MED27: variants seen among roughly 807,000 people sequenced by gnomAD.
MED27 encodes mediator of RNA polymerase II transcription subunit 27.
A neutral mutation model predicts 38.2 loss-of-function variants in MED27; 30 were observed. The observed-to-expected ratio is 0.79, with a 90% CI of 0.59 to 1.07. The LOEUF (loss-of-function observed/expected upper bound fraction) is 1.07. MED27 is among the 50% of genes least tolerant of loss of function. The pLI is 0.00. For missense variants in MED27, 289 were observed against 397.5 expected (o/e 0.73, Z 2.32); for synonymous variants, 122 against 153.5 (o/e 0.79, Z 1.52).
At chr9:132,031,167 C>G (rs1832951367) in intron 2 of MED27, among the ~76,000 whole-genome samples, 1 of 152,182 alleles carries the variant, frequency 6.6e-6, no homozygotes, top group Non-Finnish European at 1.5e-5. Flanking sequence ...CCATCAGAAG[C>G]CAGGTGGTGT....
chr9:132,001,406 AC>A (rs1832231471), intron 3 of MED27, among the ~76,000 whole-genome samples: 1 of 152,234 alleles, frequency 6.6e-6, no homozygotes, highest in Non-Finnish European at 1.5e-5. Flanking sequence ...AAAGGAAAAA[AC>A]AATACACATC....
At chr9:131,942,908 T>G (rs535239682) in intron 3 of MED27, among the ~76,000 whole-genome samples, 9 of 152,230 alleles carry the variant, frequency 5.9e-5, no homozygotes, top group African/African-American at 2.2e-4. Flanking sequence ...TTGATGAGAT[T>G]TTTACCTGTA....
chr9:131,871,196 A>C (rs1838827560), intron 6 of MED27, among the ~76,000 whole-genome samples: 1 of 152,100 alleles, frequency 6.6e-6, no homozygotes, highest in East Asian at 1.9e-4. Flanking sequence ...TACACCCCAC[A>C]TTCGGTATGC....
chr9:131,882,399 T>C (rs888489769), intron 6 of MED27, among the ~76,000 whole-genome samples: 1 of 152,232 alleles, frequency 6.6e-6, no homozygotes, highest in African/African-American at 2.4e-5. Flanking sequence ...TGTACACTAT[T>C]GTGAAGGCAC....
chr9:132,059,878 C>T (rs1417411649), intron 2 of MED27, among the ~76,000 whole-genome samples: 1 of 152,180 alleles, frequency 6.6e-6, no homozygotes, highest in Non-Finnish European at 1.5e-5. Context: ...TATCATACTC[C>T]TCAGAGCTAA....
At chr9:131,946,502 T>C (rs187087376) in intron 3 of MED27, among the ~76,000 whole-genome samples, 1 of 152,360 alleles carries the variant, frequency 6.6e-6, no homozygotes, top group Non-Finnish European at 1.5e-5. Flanking sequence ...TCAGAGGTCA[T>C]CTGATTGGGG....
At chr9:132,066,674 C>T (rs529444217) in intron 2 of MED27, among the ~76,000 whole-genome samples, 1 of 152,196 alleles carries the variant, frequency 6.6e-6, no homozygotes, top group Non-Finnish European at 1.5e-5. Flanking sequence ...TAAGTGACTG[C>T]GGCAAAGGAA....
At position 131,921,561 on chromosome 9, in the gene MED27, T is replaced by C. The variant is rs537226861; in HGVS notation, c.573+17820A>G. Among the ~76,000 whole-genome samples, 8 of 152,320 alleles carry C rather than the reference T, an allele frequency of 5.3e-5. No homozygotes were observed. In the South Asian group the frequency reaches 1.5e-3, roughly 28 times the overall value. On this transcript the variant is annotated intron_variant, in intron 4 of 7. Transcript: ENST00000292035. ...AGAGAATGTGGAGAAATAGGAACAC[T>C]TTTACACTGTTGGTGGGACTGTAAA...
At chr9:131,959,120 G>T (rs189955916) in intron 3 of MED27, among the ~76,000 whole-genome samples, 36 of 152,342 alleles carry the variant, frequency 2.4e-4, no homozygotes, top group Non-Finnish European at 4.7e-4. Flanking sequence ...AGACAGTGCT[G>T]TAGTTTAGAT....
chr9:131,994,408 T>C (rs1372960845), intron 3 of MED27, among the ~76,000 whole-genome samples: 2 of 152,064 alleles, frequency 1.3e-5, no homozygotes, highest in Non-Finnish European at 1.5e-5. Flanking sequence ...AAAACCAATA[T>C]TGCATCCCAG....
At chr9:131,886,691 C>T (rs1839146819) in intron 5 of MED27, among the ~76,000 whole-genome samples, 1 of 152,198 alleles carries the variant, frequency 6.6e-6, no homozygotes, top group African/African-American at 2.4e-5. Flanking sequence ...TCAAAAGAAA[C>T]ATATGAAATT....
chr9:131,892,243 T>C (rs368363775), intron 5 of MED27, among the ~76,000 whole-genome samples: 3 of 152,126 alleles, frequency 2.0e-5, no homozygotes, highest in South Asian at 4.1e-4. Flanking sequence ...AGAGGTGTTT[T>C]GGAAGCACCA....
chr9:132,044,361 T>G (rs1232113513), intron 2 of MED27, among the ~76,000 whole-genome samples: 3 of 152,268 alleles, frequency 2.0e-5, no homozygotes, highest in African/African-American at 7.2e-5. Flanking sequence ...TATAAATGCA[T>G]GATAAACTTT....
chr9:131,896,918 G>C (rs894802363), intron 4 of MED27, among the ~76,000 whole-genome samples: 17 of 152,090 alleles, frequency 1.1e-4, no homozygotes, highest in Non-Finnish European at 2.9e-5. Flanking sequence ...TTTTAGTAGA[G>C]ACGGGGTTTC....
At chr9:132,019,823 T>C (rs1255095486) in intron 2 of MED27, among the ~76,000 whole-genome samples, 1 of 152,228 alleles carries the variant, frequency 6.6e-6, no homozygotes, top group African/African-American at 2.4e-5. Context: ...CCCCCCTGGA[T>C]GAGAGCTGGC....
chr9:131,975,236 A>C (rs915496946), intron 3 of MED27, among the ~76,000 whole-genome samples: 1 of 152,358 alleles, frequency 6.6e-6, no homozygotes, highest in East Asian at 1.9e-4. Flanking sequence ...AATAAATAGC[A>C]GCTTAGCATT....
At chr9:132,073,260 T>C in intron 2 of MED27, 1 of 922,874 alleles carries the variant, frequency 1.1e-6, no homozygotes, top group Non-Finnish European at 1.3e-6. Flanking sequence ...TTCTCAGTAA[T>C]GGCTGAAAAT....
intron 4 of MED27, among the ~76,000 whole-genome samples, chr9:131,921,156 A>G (rs1589213025): frequency 1.3e-5 from 2 of 152,348 alleles, no homozygotes; most frequent in East Asian, 3.9e-4. Context: ...AAACAATTTC[A>G]GGCTCACAGA....
chr9:131,901,904 T>G (rs1307600578), intron 4 of MED27, among the ~76,000 whole-genome samples: 1 of 152,170 alleles, frequency 6.6e-6, no homozygotes, highest in Non-Finnish European at 1.5e-5. Context: ...AGAAGGAAGC[T>G]GAAGTTTTGA....
Sources: allele counts gnomAD v4.1 joint callset (sites outside exome capture counted in the v4.1 genomes callset), GRCh38; gene constraint gnomAD v4.1.1; transcripts MANE v1.5; gene names NCBI Gene and HGNC (gene_info 2026-07-23, HGNC 2026-07-21).